Variants in DGKB observed in about 807,000 individuals in gnomAD.
The protein encoded by DGKB is 90 kDa diacylglycerol kinase.
A neutral mutation model predicts 114.3 loss-of-function variants in DGKB; 67 were observed. The observed-to-expected ratio is 0.59, with a 90% CI of 0.48 to 0.72. The LOEUF (loss-of-function observed/expected upper bound fraction) is 0.72, where lower values mean the gene tolerates loss of function less well. Ranked by LOEUF, DGKB falls within the 30% of genes least tolerant of loss-of-function variation. The probability of loss-of-function intolerance (pLI) is 0.00; values close to 1 mark genes in which losing one functional copy is unlikely to be tolerated. For missense variants in DGKB, 907 were observed against 975.2 expected (o/e 0.93, Z 0.93); for synonymous variants, 398 against 323.1 (o/e 1.23, Z -2.49).
chr7:14,525,271 C>T (rs1441402460), intron 20 of DGKB, among the ~76,000 whole-genome samples: 1 of 152,174 alleles, frequency 6.6e-6, no homozygotes, highest in Non-Finnish European at 1.5e-5. Flanking sequence ...AATGCTCTCC[C>T]TATTCCAGTT....
chr7:14,961,741 A>G (rs1297242089), intron 1 of DGKB, among the ~76,000 whole-genome samples: 1 of 152,112 alleles, frequency 6.6e-6, no homozygotes, highest in African/African-American at 2.4e-5. Context: ...GGTAGATTTT[A>G]TAAAATCCAA....
intron 20 of DGKB, among the ~76,000 whole-genome samples, chr7:14,568,693 C>A (rs761897233): frequency 5.3e-5 from 8 of 152,182 alleles, no homozygotes; most frequent in Non-Finnish European, 1.0e-4. Flanking sequence ...CAGCAGTCAA[C>A]CCATTCTGAA....
At chr7:14,777,811 C>T (rs1014861631) in intron 2 of DGKB, among the ~76,000 whole-genome samples, 7 of 152,252 alleles carry the variant, frequency 4.6e-5, no homozygotes, top group Middle Eastern at 3.4e-3. Context: ...AACGGGTCAA[C>T]GGGCTCACAG....
intron 23 of DGKB, among the ~76,000 whole-genome samples, chr7:14,272,313 A>G (rs1479364551): frequency 6.6e-6 from 1 of 152,198 alleles, no homozygotes; most frequent in African/African-American, 2.4e-5. Flanking sequence ...GATTCTTGGT[A>G]CTAACACTCT....
At chr7:14,191,973 A>G (rs1177234895) in intron 23 of DGKB, 14 of 647,018 alleles carry the variant, frequency 2.2e-5, no homozygotes, top group Non-Finnish European at 3.6e-5. Context: ...ACCATTGTCG[A>G]TATGGTTCCT....
chr7:14,688,817 A>G (rs1282620982), intron 9 of DGKB, among the ~76,000 whole-genome samples: 3 of 151,076 alleles, frequency 2.0e-5, no homozygotes, highest in African/African-American at 7.3e-5. Context: ...TAGTTTTTCC[A>G]TAAATAAAAA....
chr7:14,406,756 G>A (rs1266136062), intron 21 of DGKB, among the ~76,000 whole-genome samples: 1 of 152,030 alleles, frequency 6.6e-6, no homozygotes, highest in Admixed American at 6.6e-5. Context: ...CAATTTATTT[G>A]TACAATATGA....
intron 2 of DGKB, among the ~76,000 whole-genome samples, chr7:14,801,941 C>T (rs946981796): frequency 3.3e-5 from 5 of 151,604 alleles, no homozygotes; most frequent in Non-Finnish European, 7.4e-5. Flanking sequence ...CACACACACA[C>T]ACACACGCAC....
intron 16 of DGKB, 60 bp downstream of exon 16, chr7:14,613,280 G>T: frequency 1.0e-6 from 1 of 994,988 alleles, no homozygotes; most frequent in Non-Finnish European, 1.5e-6. Flanking sequence ...TTACATCATA[G>T]TTTTGTCTAT....
chr7:14,544,146 T>C (rs1167246077), intron 20 of DGKB, among the ~76,000 whole-genome samples: 1 of 152,194 alleles, frequency 6.6e-6, no homozygotes, highest in Non-Finnish European at 1.5e-5. Flanking sequence ...ATTGCATATA[T>C]TTAGAAAACC....
chr7:14,680,848 C>G (rs1419285217), intron 12 of DGKB, among the ~76,000 whole-genome samples: 1 of 151,760 alleles, frequency 6.6e-6, no homozygotes, highest in South Asian at 2.1e-4. Flanking sequence ...AGGGTTCAAA[C>G]TGAGTACACA....
At chr7:14,568,853 A>G (rs1397390070) in intron 20 of DGKB, among the ~76,000 whole-genome samples, 1 of 152,206 alleles carries the variant, frequency 6.6e-6, no homozygotes, top group Non-Finnish European at 1.5e-5. Flanking sequence ...AATAATGAAA[A>G]CAATACTGAG....
At chr7:14,840,197 T>C (rs1041621040) in intron 2 of DGKB, among the ~76,000 whole-genome samples, 5 of 152,234 alleles carry the variant, frequency 3.3e-5, no homozygotes, top group African/African-American at 4.8e-5. Context: ...CCTTAATTTT[T>C]ACCTCGTTCA....
chr7:14,809,059 G>C (rs190526543), intron 2 of DGKB, among the ~76,000 whole-genome samples: 2 of 152,092 alleles, frequency 1.3e-5, no homozygotes, highest in Admixed American at 1.3e-4. Context: ...TCATGAGAAA[G>C]TGATAACTTT....
chr7:14,353,719 C>T (rs940888353), intron 21 of DGKB, among the ~76,000 whole-genome samples: 3 of 152,066 alleles, frequency 2.0e-5, no homozygotes, highest in Non-Finnish European at 4.4e-5. Context: ...TATTAGAAAA[C>T]CTAAATGAAT....
At chr7:14,458,271 A>C (rs1584094016) in intron 21 of DGKB, among the ~76,000 whole-genome samples, 1 of 152,166 alleles carries the variant, frequency 6.6e-6, no homozygotes, top group African/African-American at 2.4e-5. Context: ...TTATGACTAC[A>C]TAATAAGTGA....
At position 14,693,601 on chromosome 7, in the gene DGKB, C is replaced by T. The variant is rs1485242660; in HGVS notation, c.711+474G>A. 2.0e-5 allele frequency among the ~76,000 whole-genome samples: 3 copies of T among 150,196 alleles called. No homozygotes were observed. The East Asian group carries it at 6.0e-4, about 30-fold the overall frequency. Reference sequence around the variant, plus strand: ...TGCCATTAAAGGTAATGGCAGAAAACGCAATGACTTTTGGCACCACTAATC... The same window carrying T: ...TGCCATTAAAGGTAATGGCAGAAAATGCAATGACTTTTGGCACCACTAATC... On this transcript the variant is annotated intron_variant, in intron 9 of 25. Transcript: ENST00000402815.
intron 21 of DGKB, among the ~76,000 whole-genome samples, chr7:14,441,086 G>A (rs1305523574): frequency 1.3e-5 from 2 of 151,884 alleles, no homozygotes; most frequent in African/African-American, 4.8e-5. Flanking sequence ...GCATGATCCT[G>A]CAACCTCCAC....
chr7:14,658,853 A>G (rs1439004467), intron 13 of DGKB, among the ~76,000 whole-genome samples: 3 of 151,888 alleles, frequency 2.0e-5, no homozygotes, highest in Non-Finnish European at 4.4e-5. Context: ...CCTTTCTGTG[A>G]ACTAACAAGC....
Sources: allele counts gnomAD v4.1 joint callset (sites outside exome capture counted in the v4.1 genomes callset), GRCh38; gene constraint gnomAD v4.1.1; transcripts MANE v1.5; gene names NCBI Gene and HGNC (gene_info 2026-07-23, HGNC 2026-07-21).